ZFHX3: variants seen among roughly 807,000 people sequenced by gnomAD.
ZFHX3 encodes zinc finger homeobox protein 3.
A neutral mutation model predicts 279.1 loss-of-function variants in ZFHX3; 42 were observed. That is an observed-to-expected ratio of 0.15 (90% CI 0.12 to 0.19). The LOEUF is 0.19. ZFHX3 is among the 10% of genes least tolerant of loss of function. The probability of loss-of-function intolerance (pLI) is 1.00; values close to 1 mark genes in which losing one functional copy is unlikely to be tolerated. For synonymous variants in ZFHX3, 2,293 were observed against 1,957.8 expected, an observed-to-expected ratio of 1.17 and a Z score of -4.52; for missense variants, 4,981 against 4,754.0, an observed-to-expected ratio of 1.05 and a Z score of -1.40.
chr16:73,355,485 G>A (rs752311305), intron 3 of ZFHX3, among the ~76,000 whole-genome samples: 4 of 152,120 alleles, frequency 2.6e-5, no homozygotes, highest in South Asian at 2.1e-4. Context: ...GGAGCTTTTT[G>A]GTGGCTACCT....
At chr16:73,076,620 C>G (rs1368537057) in intron 8 of ZFHX3, among the ~76,000 whole-genome samples, 3 of 152,160 alleles carry the variant, frequency 2.0e-5, no homozygotes, top group Admixed American at 6.6e-5. Flanking sequence ...CGACTGTTTC[C>G]TAAGCTGGGA....
intron 3 of ZFHX3, among the ~76,000 whole-genome samples, chr16:72,898,438 G>A (rs2038950901): frequency 6.6e-6 from 1 of 152,096 alleles, no homozygotes; most frequent in Non-Finnish European, 1.5e-5. Flanking sequence ...CTTTTCCCTT[G>A]CACGAATCAC....
chr16:73,055,610 G>A (rs984921810), intron 1 of ZFHX3, among the ~76,000 whole-genome samples: 2 of 152,012 alleles, frequency 1.3e-5, no homozygotes, highest in Non-Finnish European at 2.9e-5. Flanking sequence ...ATATTTAATA[G>A]GGGTGGGGGA....
intron 5 of ZFHX3, among the ~76,000 whole-genome samples, chr16:73,242,903 C>T (rs572340662): frequency 2.6e-5 from 4 of 152,278 alleles, no homozygotes; most frequent in Non-Finnish European, 4.4e-5. Context: ...AGCAACTGGG[C>T]CGTGCTATGG....
chr16:73,054,689 T>G (rs993889036), intron 1 of ZFHX3, among the ~76,000 whole-genome samples: 2 of 151,720 alleles, frequency 1.3e-5, no homozygotes, highest in African/African-American at 4.8e-5. Context: ...AAGAACTTGG[T>G]GGGGGAGGGA....
Position 73,443,728 on chromosome 16 carries a change from A to G in ZFHX3, c.-1291+12275T>C, listed in dbSNP as rs1384615075. Among the ~76,000 whole-genome samples the G allele has an allele frequency of 2.6e-5, 4 of 152,060 alleles. No homozygotes were observed. The East Asian group carries it at 7.7e-4, about 29-fold the overall frequency. On this transcript the variant is annotated intron_variant, in intron 3 of 17. Transcript: ENST00000641206. ...AAAAATATCCACATAAAATTCCACC[A>G]TATATTTAGCCAGTTAAGTTACTCC...
intron 5 of ZFHX3, among the ~76,000 whole-genome samples, chr16:73,171,206 T>TAGCC (rs1399149714): frequency 1.3e-5 from 2 of 151,848 alleles, no homozygotes; most frequent in Non-Finnish European, 2.9e-5. Flanking sequence ...CTAGATAGAG[T>TAGCC]AGCCATATAA....
At chr16:73,366,510 T>C (rs1444624228) in intron 3 of ZFHX3, among the ~76,000 whole-genome samples, 2 of 151,362 alleles carry the variant, frequency 1.3e-5, no homozygotes, top group African/African-American at 4.9e-5. Flanking sequence ...GGCAGGAGGA[T>C]TGCTTGAGCC....
intron 5 of ZFHX3, among the ~76,000 whole-genome samples, chr16:73,213,231 CCAAA>C (rs1177897223): frequency 2.6e-5 from 4 of 152,148 alleles, no homozygotes; most frequent in East Asian, 1.9e-4. Context: ...CTCCAGTGTG[CCAAA>C]CAAACAGAAT....
At chr16:73,737,185 T>C (rs61329829) in intron 1 of ZFHX3, among the ~76,000 whole-genome samples, 3,793 of 152,244 alleles carry the variant, frequency 0.025, 163 homozygotes, top group African/African-American at 0.086. Context: ...AGGCACATGC[T>C]ACCACACCCA....
chr16:72,936,088 G>T (rs537602642), intron 3 of ZFHX3, among the ~76,000 whole-genome samples: 48 of 152,356 alleles, frequency 3.2e-4, no homozygotes, highest in African/African-American at 1.1e-3. Context: ...CTGTGTCTCA[G>T]GGGTCAGTAC....
At chr16:73,105,474 A>G (rs1966292259) in intron 7 of ZFHX3, among the ~76,000 whole-genome samples, 1 of 125,650 alleles carries the variant, frequency 8.0e-6, no homozygotes, top group African/African-American at 2.9e-5. Context: ...CCCCCAGGCC[A>G]GGCGTGCTGG....
At chr16:73,072,711 C>T (rs1042815762) in intron 8 of ZFHX3, among the ~76,000 whole-genome samples, 10 of 152,096 alleles carry the variant, frequency 6.6e-5, no homozygotes, top group African/African-American at 1.9e-4. Context: ...ACTACAGGCA[C>T]ATGCCACCAT....
intron 1 of ZFHX3, among the ~76,000 whole-genome samples, chr16:73,867,986 G>A (rs1962071218): frequency 6.6e-6 from 1 of 152,176 alleles, no homozygotes; most frequent in Non-Finnish European, 1.5e-5. Flanking sequence ...CCCTAGCGCT[G>A]GGTGCCAGGC....
At chr16:73,548,942 C>T (rs937753630) in intron 2 of ZFHX3, among the ~76,000 whole-genome samples, 19 of 152,082 alleles carry the variant, frequency 1.2e-4, no homozygotes, top group South Asian at 2.1e-4. Context: ...TGAGTGGAGA[C>T]GGCTCTCAGC....
intron 3 of ZFHX3, among the ~76,000 whole-genome samples, chr16:72,930,424 A>G (rs1429477279): frequency 6.6e-6 from 1 of 152,158 alleles, no homozygotes; most frequent in African/African-American, 2.4e-5. Flanking sequence ...GCTTAAAAAA[A>G]AAAGAGGACG....
chr16:73,505,996 T>C (rs951786017), intron 2 of ZFHX3, among the ~76,000 whole-genome samples: 35 of 152,248 alleles, frequency 2.3e-4, no homozygotes, highest in African/African-American at 8.4e-4. Flanking sequence ...TTTGGGATAC[T>C]GAGAGACTCA....
chr16:73,343,793 T>C (rs1398990692), intron 3 of ZFHX3, among the ~76,000 whole-genome samples: 3 of 152,132 alleles, frequency 2.0e-5, no homozygotes, highest in African/African-American at 4.8e-5. Flanking sequence ...AATTTGGGTA[T>C]CAAAATAAAT....
intron 1 of ZFHX3, among the ~76,000 whole-genome samples, chr16:72,969,020 A>C (rs577007749): frequency 6.6e-6 from 1 of 152,266 alleles, no homozygotes; most frequent in South Asian, 2.1e-4. Flanking sequence ...CCATAGGAGG[A>C]GTCTAGAAGG....
Sources: gnomAD v4.1 joint callset for allele counts (sites outside exome capture counted in the v4.1 genomes callset) on GRCh38, gnomAD v4.1.1 for gene constraint, MANE v1.5 for transcripts, NCBI Gene and HGNC (gene_info 2026-07-23, HGNC 2026-07-21) for gene names.